The following DPYD variants were observed in gnomAD, a reference collection of about 807,000 sequenced individuals.
DPYD encodes dihydropyrimidine dehydrogenase.
Under a neutral mutation model 116.2 loss-of-function variants are expected in DPYD, and 109 were observed. That is an observed-to-expected ratio of 0.94 (90% CI 0.80 to 1.10). The LOEUF (loss-of-function observed/expected upper bound fraction) is 1.10. Ranked by LOEUF, DPYD falls within the 50% of genes least tolerant of loss-of-function variation. The probability of loss-of-function intolerance (pLI) is 0.00; values close to 1 mark genes in which losing one functional copy is unlikely to be tolerated. For synonymous variants in DPYD, 440 were observed against 432.0 expected, an observed-to-expected ratio of 1.02 and a Z score of -0.23; for missense variants, 1,302 against 1,254.5, an observed-to-expected ratio of 1.04 and a Z score of -0.57.
chr1:97,453,887 A>G (rs1168506544), intron 13 of DPYD, among the ~76,000 whole-genome samples: 1 of 152,090 alleles, frequency 6.6e-6, no homozygotes, highest in Non-Finnish European at 1.5e-5. Context: ...TTGCTTTATG[A>G]TAGAGAATGC....
chr1:97,544,839 G>T (rs990238196), intron 12 of DPYD, among the ~76,000 whole-genome samples: 1 of 152,106 alleles, frequency 6.6e-6, no homozygotes, highest in Non-Finnish European at 1.5e-5. Context: ...ACTGACCTGT[G>T]TTCAATTTTA....
chr1:97,753,929 T>C (rs891012996), intron 3 of DPYD, among the ~76,000 whole-genome samples: 3 of 152,106 alleles, frequency 2.0e-5, no homozygotes, highest in Admixed American at 6.6e-5. Context: ...TAAAATGACA[T>C]AAAAGTAGCT....
At chr1:97,546,345 T>G in intron 12 of DPYD, 1 of 1,418,964 alleles carries the variant, frequency 7.0e-7, no homozygotes, top group Non-Finnish European at 1.0e-6. Flanking sequence ...CAAATGGAGT[T>G]GTTGGGAATG....
intron 8 of DPYD, among the ~76,000 whole-genome samples, chr1:97,617,217 C>T (rs746021574): frequency 6.6e-6 from 1 of 152,174 alleles, no homozygotes; most frequent in African/African-American, 2.4e-5. Context: ...CACAAACACA[C>T]AGTTCGTGTC....
At chr1:97,546,067 C>G in intron 12 of DPYD, 4 of 1,405,576 alleles carry the variant, frequency 2.8e-6, no homozygotes, top group Non-Finnish European at 4.0e-6. Flanking sequence ...AACAACATCA[C>G]AGTAGGATCC....
chr1:97,742,791 A>G (rs1664339648), intron 3 of DPYD, among the ~76,000 whole-genome samples: 2 of 152,146 alleles, frequency 1.3e-5, no homozygotes. Context: ...TAAAAAGTAA[A>G]TAATATGCCA....
intron 14 of DPYD, among the ~76,000 whole-genome samples, chr1:97,442,104 T>C (rs1189792396): frequency 6.6e-6 from 1 of 152,108 alleles, no homozygotes; most frequent in Non-Finnish European, 1.5e-5. Context: ...TGATCTGTAC[T>C]CAGTGCTGCA....
intron 18 of DPYD, among the ~76,000 whole-genome samples, chr1:97,302,780 C>G (rs1452020810): frequency 6.6e-6 from 1 of 152,008 alleles, no homozygotes; most frequent in Non-Finnish European, 1.5e-5. Context: ...CTTATCCCAA[C>G]TATATGCAAA....
intron 20 of DPYD, among the ~76,000 whole-genome samples, chr1:97,177,410 T>C (rs375099885): frequency 3.9e-5 from 6 of 152,158 alleles, no homozygotes; most frequent in East Asian, 3.9e-4. Flanking sequence ...AGTGAGAGCA[T>C]GTTTAGTGAT....
At chr1:97,673,628 C>T (rs1158939267) in intron 8 of DPYD, among the ~76,000 whole-genome samples, 1 of 151,960 alleles carries the variant, frequency 6.6e-6, no homozygotes, top group Non-Finnish European at 1.5e-5. Context: ...TGGAAACAAA[C>T]ATGTAACTAG....
chr1:97,236,631 A>C (rs1661948085), intron 18 of DPYD, among the ~76,000 whole-genome samples: 2 of 152,144 alleles, frequency 1.3e-5, no homozygotes, highest in African/African-American at 2.4e-5. Flanking sequence ...ATAATGGTGG[A>C]TGCATGTTGT....
chr1:97,395,604 C>T (rs1271047441), intron 14 of DPYD, among the ~76,000 whole-genome samples: 1 of 151,998 alleles, frequency 6.6e-6, no homozygotes, highest in African/African-American at 2.4e-5. Flanking sequence ...TCAACCCTCT[C>T]GTGGTAGATT....
chr1:97,432,014 A>G (rs1675204897), intron 14 of DPYD, among the ~76,000 whole-genome samples: 2 of 152,082 alleles, frequency 1.3e-5, no homozygotes, highest in Admixed American at 6.6e-5. Flanking sequence ...CTCCGGTTCC[A>G]TCTATGTTGT....
chr1:97,090,207 C>G (rs1259945676), intron 21 of DPYD, among the ~76,000 whole-genome samples: 1 of 152,040 alleles, frequency 6.6e-6, no homozygotes, highest in Non-Finnish European at 1.5e-5. Context: ...GAATACTGTG[C>G]TTTGCAAACA....
chr1:97,546,872 C>G (rs1650909332), intron 12 of DPYD: 10 of 1,609,402 alleles, frequency 6.2e-6, no homozygotes, highest in Admixed American at 1.7e-5. Context: ...CAGTGGGATA[C>G]AGCAATAGAG....
chr1:97,775,221 G>A (rs1666333931), intron 3 of DPYD, among the ~76,000 whole-genome samples: 1 of 152,052 alleles, frequency 6.6e-6, no homozygotes, highest in Non-Finnish European at 1.5e-5. Flanking sequence ...ACCCCTGAAT[G>A]TCTAAGAATA....
chr1:97,408,333 T>A (rs1169547022), intron 14 of DPYD, among the ~76,000 whole-genome samples: 1 of 152,180 alleles, frequency 6.6e-6, no homozygotes, highest in Non-Finnish European at 1.5e-5. Flanking sequence ...TTCCTTCTTA[T>A]TTTGTTAAGA....
At chr1:97,182,054 C>A (rs2101800843) in intron 20 of DPYD, among the ~76,000 whole-genome samples, 1 of 152,252 alleles carries the variant, frequency 6.6e-6, no homozygotes, top group Non-Finnish European at 1.5e-5. Context: ...TGGATTTAAA[C>A]TCAGACCTTC....
intron 14 of DPYD, among the ~76,000 whole-genome samples, chr1:97,425,927 C>A: frequency 6.7e-6 from 1 of 149,152 alleles, no homozygotes; most frequent in Non-Finnish European, 1.5e-5. Context: ...AAACTATAAT[C>A]AAAGAAGAAA....
Sources: gnomAD v4.1 joint callset for allele counts (sites outside exome capture counted in the v4.1 genomes callset) on GRCh38, gnomAD v4.1.1 for gene constraint, MANE v1.5 for transcripts, NCBI Gene and HGNC (gene_info 2026-07-23, HGNC 2026-07-21) for gene names.